Variants in ASIC2 observed in about 807,000 individuals in gnomAD.
ASIC2 encodes the protein acid sensing ion channel subunit 2.
In ASIC2, 25 loss-of-function variants were observed where a neutral mutation model predicts 57.3. The observed-to-expected ratio is 0.44, with a 90% CI of 0.32 to 0.61. The LOEUF (loss-of-function observed/expected upper bound fraction) is 0.61. Among genes scored for constraint, ASIC2 ranks in the 20% least tolerant of loss-of-function variants. The pLI is 0.06. For missense variants in ASIC2, 641 were observed against 738.1 expected, an observed-to-expected ratio of 0.87 and a Z score of 1.52; for synonymous variants, 319 against 307.5, an observed-to-expected ratio of 1.04 and a Z score of -0.39.
At chr17:33,755,021 C>T (rs1271121239) in intron 1 of ASIC2, among the ~76,000 whole-genome samples, 1 of 119,260 alleles carries the variant, frequency 8.4e-6, no homozygotes, top group Non-Finnish European at 1.9e-5. Context: ...CCTTGTATAA[C>T]AAAAAGGACT....
chr17:33,101,821 T>A lies in ASIC2; in HGVS notation c.859+10096A>T, dbSNP rs1485008959. On this transcript the variant is annotated intron_variant, in intron 2 of 9. Transcript: ENST00000225823. The stretch of plus-strand genomic sequence containing the variant: ...TGCAGTATATAATGTTTTTGATCTC[T>A]CTCTTGCGAAATAAATATTTTGTTT... 2.0e-5 allele frequency among the ~76,000 whole-genome samples: 3 copies of A among 152,224 alleles called. No homozygotes were observed. The East Asian group carries it at 5.8e-4, about 29-fold the overall frequency.
At chr17:33,456,858 T>A (rs898116802) in intron 1 of ASIC2, among the ~76,000 whole-genome samples, 10 of 152,212 alleles carry the variant, frequency 6.6e-5, no homozygotes, top group Non-Finnish European at 1.5e-4. Context: ...AGTTGCCTCA[T>A]CTGTAAAATG....
intron 1 of ASIC2, among the ~76,000 whole-genome samples, chr17:33,910,615 ACTT>A (rs555552771): frequency 8.2e-4 from 125 of 152,180 alleles, no homozygotes; most frequent in South Asian, 7.3e-3. Flanking sequence ...CAGACTATAA[ACTT>A]CATGAGGGCA....
chr17:33,580,170 C>T (rs897926036), intron 1 of ASIC2: 3 of 152,182 alleles, frequency 2.0e-5, no homozygotes, highest in African/African-American at 7.2e-5. Context: ...CTTTATACAG[C>T]ATCCAAACTG....
chr17:33,450,792 A>G (rs1487639736), intron 1 of ASIC2, among the ~76,000 whole-genome samples: 2 of 152,090 alleles, frequency 1.3e-5, no homozygotes, highest in African/African-American at 4.8e-5. Flanking sequence ...TTATGTACTG[A>G]TATAATGTAC....
At chr17:33,277,904 C>T (rs1222936303) in intron 1 of ASIC2, among the ~76,000 whole-genome samples, 3 of 152,100 alleles carry the variant, frequency 2.0e-5, no homozygotes, top group African/African-American at 4.8e-5. Context: ...ACTGTGTGGG[C>T]GAGAGAGGCA....
chr17:33,973,811 C>T (rs1422122766), intron 1 of ASIC2, among the ~76,000 whole-genome samples: 3 of 152,148 alleles, frequency 2.0e-5, no homozygotes, highest in African/African-American at 7.2e-5. Flanking sequence ...TTGCTGTGAT[C>T]CTTGGGGTGT....
chr17:33,561,852 T>C (rs900878258), intron 1 of ASIC2, among the ~76,000 whole-genome samples: 1 of 152,210 alleles, frequency 6.6e-6, no homozygotes, highest in Admixed American at 6.5e-5. Flanking sequence ...ACTTCAAAAA[T>C]AGATGCACGT....
chr17:34,037,450 C>T, intron 1 of ASIC2: 1 of 660,574 alleles, frequency 1.5e-6, no homozygotes, highest in Non-Finnish European at 2.5e-6. Context: ...GGTTTCTCCT[C>T]AATGAGAATC....
chr17:33,192,618 T>G (rs1023762881), intron 1 of ASIC2, among the ~76,000 whole-genome samples: 2 of 152,110 alleles, frequency 1.3e-5, no homozygotes, highest in African/African-American at 4.8e-5. Flanking sequence ...ATTCAAATCT[T>G]GTGAAGAAGC....
intron 1 of ASIC2, among the ~76,000 whole-genome samples, chr17:33,354,734 G>A (rs1908312011): frequency 6.6e-6 from 1 of 152,068 alleles, no homozygotes; most frequent in Non-Finnish European, 1.5e-5. Flanking sequence ...TTTTGCTCCT[G>A]GTTTCCACTC....
intron 1 of ASIC2, among the ~76,000 whole-genome samples, chr17:33,928,322 G>T (rs1349885453): frequency 6.6e-6 from 1 of 152,226 alleles, no homozygotes; most frequent in Non-Finnish European, 1.5e-5. Flanking sequence ...TGGTACGGCA[G>T]GGACTCTGCA....
chr17:33,030,173 A>G (rs1224349649), intron 3 of ASIC2, among the ~76,000 whole-genome samples: 1 of 152,174 alleles, frequency 6.6e-6, no homozygotes, highest in Non-Finnish European at 1.5e-5. Context: ...TTAATGTTCA[A>G]TTTAATAAAT....
intron 1 of ASIC2, among the ~76,000 whole-genome samples, chr17:33,933,711 G>T (rs896268488): frequency 6.6e-6 from 1 of 152,228 alleles, no homozygotes; most frequent in Non-Finnish European, 1.5e-5. Context: ...GACATTTCCT[G>T]TGGGAAACAG....
intron 3 of ASIC2, among the ~76,000 whole-genome samples, chr17:33,078,744 C>T (rs2092099823): frequency 6.6e-6 from 1 of 152,198 alleles, no homozygotes; most frequent in Non-Finnish European, 1.5e-5. Context: ...AGCCCTTACT[C>T]CATGATTGAT....
intron 1 of ASIC2, among the ~76,000 whole-genome samples, chr17:33,642,056 G>C (rs1241584162): frequency 6.6e-6 from 1 of 152,152 alleles, no homozygotes; most frequent in Non-Finnish European, 1.5e-5. Context: ...AATACATTCA[G>C]CTGTGGCTAT....
At chr17:34,087,991 T>G (rs1454860802) in intron 1 of ASIC2, among the ~76,000 whole-genome samples, 1 of 152,236 alleles carries the variant, frequency 6.6e-6, no homozygotes, top group Non-Finnish European at 1.5e-5. Flanking sequence ...TTGAATTTCC[T>G]CCTGTAGCTT....
At chr17:33,620,191 G>T (rs2142020563) in intron 1 of ASIC2, among the ~76,000 whole-genome samples, 1 of 150,464 alleles carries the variant, frequency 6.6e-6, no homozygotes, top group African/African-American at 2.5e-5. Flanking sequence ...AACAACTGAT[G>T]GGCTGTTGGA....
intron 1 of ASIC2, among the ~76,000 whole-genome samples, chr17:33,615,730 C>T (rs1052653110): frequency 1.3e-5 from 2 of 152,196 alleles, no homozygotes; most frequent in East Asian, 1.9e-4. Context: ...TTAGATTTTT[C>T]GGGGATTATG....
Sources: gnomAD v4.1 joint callset for allele counts (sites outside exome capture counted in the v4.1 genomes callset) on GRCh38, gnomAD v4.1.1 for gene constraint, MANE v1.5 for transcripts, NCBI Gene and HGNC (gene_info 2026-07-23, HGNC 2026-07-21) for gene names.